Variants in SRSF4 observed in about 807,000 individuals in gnomAD.
SRSF4 encodes serine/arginine-rich splicing factor 4.
Under a neutral mutation model 48.8 loss-of-function variants are expected in SRSF4, and 12 were observed. That is an observed-to-expected ratio of 0.25 (90% CI 0.16 to 0.40). The LOEUF is 0.40. Among genes scored for constraint, SRSF4 ranks in the 10% least tolerant of loss-of-function variants. SRSF4 has a pLI of 1.00. For missense variants in SRSF4, 466 were observed against 667.1 expected, an observed-to-expected ratio of 0.70 and a Z score of 3.32; for synonymous variants, 248 against 232.5, an observed-to-expected ratio of 1.07 and a Z score of -0.61.
chr1:29,159,222 A>G, intron 3 of SRSF4, 152 bp downstream of exon 3: 1 of 546,990 alleles, frequency 1.8e-6, no homozygotes. Flanking sequence ...TATATTTTGT[A>G]CTCATATGGC....
rs1558395914 is a variant in SRSF4, at chr1:29,181,781, G to GGCCCCA, written c.-35_-30dup. On this transcript the variant is annotated 5_prime_UTR_variant, in exon 1 of 6. Coordinates refer to ENST00000373795, the MANE Select transcript of SRSF4 (RefSeq NM_005626.5). ...GGCAACGGCAGTGATGGCTGGCCCC[G>GGCCCCA]GCCCCAGCCCCCCTTAGGCGGCGGC... is the stretch of plus-strand genomic sequence containing the variant. 4 of 1,544,706 alleles carry GGCCCCA rather than the reference G, an allele frequency of 2.6e-6. No individual in the cohort carries two copies. Among genetic ancestry groups the GGCCCCA allele is most frequent in the Admixed American group, 1.9e-5 (1 of 52,740 alleles).
chr1:29,175,027 C>T (rs978844442), intron 1 of SRSF4, among the ~76,000 whole-genome samples: 5 of 150,840 alleles, frequency 3.3e-5, no homozygotes, highest in Non-Finnish European at 5.9e-5. Flanking sequence ...AGAGTGCGTG[C>T]GTGCACATGC....
chr1:29,148,483 C>G lies in SRSF4; in HGVS notation c.1412G>C (p.Arg471Pro), dbSNP rs574970915. ...RSKSASKTRS[R>P]SKSRSRSASR... ...AGCAGACCTGGATCTAGACTTGGAC[C>G]GAGATCGGGTTTTTGAAGCTGACTT... Residue 471 changes from arginine to proline, a missense_variant, in exon 6 of 6, where the codon CGG (arginine) becomes CCG (proline). Transcript: ENST00000373795. The G allele has an allele frequency of 6.2e-7, 1 of 1,613,820 alleles. No individual in the cohort carries two copies.
chr1:29,181,623 G>T, intron 1 of SRSF4, 23 bp downstream of exon 1: 1 of 1,562,592 alleles, frequency 6.4e-7, no homozygotes, highest in Non-Finnish European at 8.7e-7. Flanking sequence ...CCGCCCGGCC[G>T]GACCCTCTTT....
At chr1:29,167,538 C>T (rs942445529) in intron 1 of SRSF4, among the ~76,000 whole-genome samples, 1 of 152,238 alleles carries the variant, frequency 6.6e-6, no homozygotes, top group Non-Finnish European at 1.5e-5. Context: ...GCACACGCCA[C>T]CACGCCCAGC....
chr1:29,149,260 G>A (rs1672364929), intron 5 of SRSF4, 34 bp from the exon 6 acceptor site: 3 of 1,595,202 alleles, frequency 1.9e-6, no homozygotes, highest in African/African-American at 1.3e-5. Flanking sequence ...TGTGTCACAT[G>A]TGACTTCATG....
chr1:29,181,461 C>G (rs909462408), intron 1 of SRSF4, among the ~76,000 whole-genome samples, 185 bp downstream of exon 1: 4 of 152,218 alleles, frequency 2.6e-5, no homozygotes, highest in Non-Finnish European at 4.4e-5. Flanking sequence ...CCACCACCCC[C>G]ACCCGCGCAG....
chr1:29,155,529 G>A (rs892122068), intron 3 of SRSF4, among the ~76,000 whole-genome samples: 2 of 152,086 alleles, frequency 1.3e-5, no homozygotes, highest in African/African-American at 4.8e-5. Flanking sequence ...TTGCTTTGTC[G>A]CTCAGGCAGC....
chr1:29,169,007 A>C (rs1194838051), intron 1 of SRSF4: 1 of 152,250 alleles, frequency 6.6e-6, no homozygotes, highest in African/African-American at 2.4e-5. Flanking sequence ...GATGTGATTT[A>C]ATTTTCATTA....
Position 29,166,300 on chromosome 1 carries a change from TA to T in SRSF4, c.108-5784del, listed in dbSNP as rs1484110163. Among the ~76,000 whole-genome samples, 4 of 152,234 alleles carry T rather than the reference TA, an allele frequency of 2.6e-5. No individual in the cohort carries two copies. The East Asian group carries it at 7.7e-4, about 29-fold the overall frequency. The stretch of plus-strand genomic sequence containing the variant: ...AAGTCAGGACACACTGATAGGACAG[TA>T]CTAAAAAAACGGTAATTCTTGCTGT... On this transcript the variant is annotated intron_variant, in intron 1 of 5. Transcript: ENST00000373795.
At chr1:29,176,612 T>G (rs762486088) in intron 1 of SRSF4, among the ~76,000 whole-genome samples, 4 of 151,700 alleles carry the variant, frequency 2.6e-5, no homozygotes. Context: ...AAGAGAAAAA[T>G]CCCTGTGTAG....
In SRSF4 at chr1:29,148,404, A is replaced by G; in HGVS notation, c.*6T>C. 6.3e-7 allele frequency: 1 copy of G among 1,580,678 alleles called. No homozygotes were observed. The highest frequency in any genetic ancestry group is 8.6e-7 in the Non-Finnish European group (1 of 1,163,122). On this transcript the variant is annotated 3_prime_UTR_variant, in exon 6 of 6. Coordinates refer to ENST00000373795, the MANE Select transcript of SRSF4 (RefSeq NM_005626.5). The stretch of plus-strand genomic sequence containing the variant: ...CTCGGGTAGTTCCAGCTGTGGCCAT[A>G]GCCAGTTAGGACCTTGAGTGGGACC...
intron 1 of SRSF4, among the ~76,000 whole-genome samples, chr1:29,174,880 G>T (rs1292841341): frequency 6.6e-6 from 1 of 151,358 alleles, no homozygotes; most frequent in African/African-American, 2.4e-5. Context: ...CACCATGTTG[G>T]CCAGGATGGT....
intron 3 of SRSF4, among the ~76,000 whole-genome samples, chr1:29,158,347 T>C (rs1229751108): frequency 6.6e-6 from 1 of 152,192 alleles, no homozygotes; most frequent in African/African-American, 2.4e-5. Flanking sequence ...TGAATTTGCA[T>C]GTTATAGCAA....
chr1:29,171,518 C>T (rs1409959372), intron 1 of SRSF4: 1 of 151,470 alleles, frequency 6.6e-6, no homozygotes, highest in South Asian at 2.1e-4. Flanking sequence ...CCCATCAGTA[C>T]AAACTAGGGA....
In SRSF4 at chr1:29,150,085, A is replaced by G. The variant is rs535278160; in HGVS notation, c.668+18T>C. The stretch of plus-strand genomic sequence containing the variant: ...CATTCCCTGCTGACCACCTCTACTT[A>G]TAACATGGAAGACATACCTGGACCG... On this transcript the variant is annotated intron_variant, in intron 5 of 5. Coordinates refer to ENST00000373795, the MANE Select transcript of SRSF4 (RefSeq NM_005626.5). The G allele has an allele frequency of 6.2e-7, 1 of 1,603,406 alleles. No individual in the cohort carries two copies. The highest frequency in any genetic ancestry group is 1.1e-5 in the South Asian group (1 of 90,514).
chr1:29,178,795 G>A (rs1316794770), intron 1 of SRSF4, among the ~76,000 whole-genome samples: 1 of 152,142 alleles, frequency 6.6e-6, no homozygotes, highest in Non-Finnish European at 1.5e-5. Flanking sequence ...CTTCCTTTCA[G>A]ACTCTCCAGC....
chr1:29,177,653 A>G (rs1469875881), intron 1 of SRSF4, among the ~76,000 whole-genome samples: 1 of 152,126 alleles, frequency 6.6e-6, no homozygotes, highest in African/African-American at 2.4e-5. Context: ...GGAATGGTCT[A>G]TATGATCCTG....
chr1:29,177,892 G>C (rs940239508), intron 1 of SRSF4, among the ~76,000 whole-genome samples: 1 of 121,556 alleles, frequency 8.2e-6, no homozygotes, highest in Non-Finnish European at 1.7e-5. Flanking sequence ...TATTACACAA[G>C]ATTTTTTTTT....
Sources: gnomAD v4.1 joint callset for allele counts (sites outside exome capture counted in the v4.1 genomes callset) on GRCh38, gnomAD v4.1.1 for gene constraint, MANE v1.5 for transcripts, NCBI Gene and HGNC (gene_info 2026-07-23, HGNC 2026-07-21) for gene names.